Variants in ADGRE3 observed in about 807,000 individuals in gnomAD.
The protein encoded by ADGRE3 is adhesion G protein-coupled receptor E3.
ADGRE3 carries 88 observed loss-of-function variants against 80.1 expected under a neutral mutation model. The observed-to-expected ratio is 1.10, with a 90% CI of 0.93 to 1.31. ADGRE3 has a LOEUF of 1.31. Ranked by LOEUF, ADGRE3 falls within the 40% of genes most tolerant of loss-of-function variation. The probability of loss-of-function intolerance (pLI) is 0.00; values close to 1 mark genes in which losing one functional copy is unlikely to be tolerated. For missense variants in ADGRE3, 715 were observed against 776.5 expected (o/e 0.92, Z 0.94); for synonymous variants, 281 against 294.8 (o/e 0.95, Z 0.48).
intron 2 of ADGRE3, among the ~76,000 whole-genome samples, chr19:14,665,946 A>ATACATATATATATATATATATATG (rs1972088517): frequency 9.0e-5 from 1 of 11,114 alleles, no homozygotes; most frequent in Non-Finnish European, 1.4e-4. Context: ...GTATATATAT[A>ATACATATATATATATATATATATG]TATATATATA....
intron 14 of ADGRE3, among the ~76,000 whole-genome samples, chr19:14,627,452 A>G (rs1274769661): frequency 6.6e-6 from 1 of 152,082 alleles, no homozygotes; most frequent in Non-Finnish European, 1.5e-5. Context: ...ATCTCAGCTC[A>G]CTGCAACCTC....
rs879487528 is a variant in ADGRE3, at chr19:14,664,984, T to C, written c.77-1444A>G. On this transcript the variant is annotated intron_variant, in intron 2 of 15. Coordinates refer to ENST00000253673, the MANE Select transcript of ADGRE3 (RefSeq NM_032571.5). ...TATAGGAACATATTACACATACTGC[T>C]CTGTTCTTTGGTTTTCATGTAAAAT... is the stretch of plus-strand genomic sequence containing the variant. Among the ~76,000 whole-genome samples, 4 of 151,868 alleles carry C rather than the reference T, an allele frequency of 2.6e-5. 1 individual carries two copies. In the Middle Eastern group the frequency reaches 0.014, roughly 520 times the overall value.
chr19:14,637,236 G>A (rs1002730283), intron 11 of ADGRE3, among the ~76,000 whole-genome samples: 5 of 152,090 alleles, frequency 3.3e-5, no homozygotes, highest in East Asian at 1.9e-4. Flanking sequence ...GGCAGTTTCC[G>A]TCTCCTGATG....
Position 14,647,377 on chromosome 19 carries a change from G to C in ADGRE3, c.698-12C>G. On this transcript the variant is annotated splice_polypyrimidine_tract_variant and intron_variant, in intron 7 of 15. Transcript: ENST00000253673. ...AATGGCACTGGGACCTGAGGAAACA[G>C]AAAGATGGAATCTTTTTTCTTTTCT... The C allele has an allele frequency of 2.0e-6, 3 of 1,473,636 alleles. No individual in the cohort carries two copies. The highest frequency in any genetic ancestry group is 2.8e-6 in the Non-Finnish European group (3 of 1,079,918). The allele number at this position is 1,473,636 out of a possible 1,614,324, so 91.3% of individuals were successfully genotyped here. A position where few individuals can be genotyped will look rare whatever the true frequency, so the allele number is the denominator to read the frequency against.
the ADGRE3 span, among the ~76,000 whole-genome samples, chr19:14,600,891 CTTTTTTTTTTT>C: frequency 0.14 from 8,720 of 63,014 alleles, 492 homozygotes; most frequent in South Asian, 0.2. Context: ...GCTCGGCCTT[CTTTTTTTTTTT>C]TTTTTTTTTT....
chr19:14,665,972 A>ATATATATATG (rs1568500887), intron 2 of ADGRE3, among the ~76,000 whole-genome samples: 1 of 132,888 alleles, frequency 7.5e-6, no homozygotes, highest in Non-Finnish European at 1.6e-5. Flanking sequence ...ATATATATAT[A>ATATATATATG]TATATAGTGT....
rs569609559 is a variant in ADGRE3, at chr19:14,644,135, G to A, written c.1023C>T (p.Phe341=). ...GGCTGGTCAGGGCCATCAGGACAGC[G>A]AAGCTGGACAGGTGACTGCAATTAC... ...TMCNCSHLSS[F]AVLMALTSQE... The change falls in exon 9 of 16, where the codon TTC becomes TTT. Residue 341 remains phenylalanine (F), a synonymous_variant. Transcript: ENST00000253673. 19 of 1,575,994 alleles carry A rather than the reference G, an allele frequency of 1.2e-5. No individual in the cohort carries two copies. The highest frequency in any genetic ancestry group is 1.7e-4 in the Middle Eastern group (1 of 5,876).
At chr19:14,674,454 G>A (rs1272637452) in intron 1 of ADGRE3, among the ~76,000 whole-genome samples, 8 of 152,030 alleles carry the variant, frequency 5.3e-5, no homozygotes, top group East Asian at 1.9e-4. Flanking sequence ...TCAAGATTGC[G>A]CCACTGCACT....
At chr19:14,631,353 T>C (rs1599609596) in intron 13 of ADGRE3, among the ~76,000 whole-genome samples, 1 of 145,998 alleles carries the variant, frequency 6.8e-6, no homozygotes. Context: ...TGTATATAAA[T>C]ATTATATATC....
At chr19:14,670,576 C>G (rs1026049670) in intron 1 of ADGRE3, among the ~76,000 whole-genome samples, 3 of 152,132 alleles carry the variant, frequency 2.0e-5, no homozygotes, top group East Asian at 1.9e-4. Context: ...GTAAAGAGCC[C>G]TTTGCTCTTC....
chr19:14,658,503 C>T lies in ADGRE3; in HGVS notation c.393+10G>A, dbSNP rs1313841768. On this transcript the variant is annotated intron_variant, in intron 5 of 15. Coordinates refer to ENST00000253673, the MANE Select transcript of ADGRE3 (RefSeq NM_032571.5). ...ACCTGGGAAGGGTCTGGGGATCAGC[C>T]TCCACTCACCTCTTTCCTGCCCTCG... 2.6e-6 allele frequency: 4 copies of T among 1,557,408 alleles called. No individual in the cohort carries two copies. The highest frequency in any genetic ancestry group is 2.8e-5 in the African/African-American group (2 of 71,376).
intron 7 of ADGRE3, among the ~76,000 whole-genome samples, 183 bp downstream of exon 7, chr19:14,650,902 G>C (rs1487618458): frequency 6.6e-6 from 1 of 151,146 alleles, no homozygotes; most frequent in African/African-American, 2.4e-5. Context: ...CTCCCATACT[G>C]AATAACAGAA....
the ADGRE3 span, among the ~76,000 whole-genome samples, chr19:14,606,328 T>A: frequency 6.8e-6 from 1 of 148,042 alleles, no homozygotes. Flanking sequence ...TGAGCCATGA[T>A]CACACCACTG....
At chr19:14,673,561 A>C (rs113413697) in intron 1 of ADGRE3, among the ~76,000 whole-genome samples, 1 of 152,316 alleles carries the variant, frequency 6.6e-6, no homozygotes, top group East Asian at 1.9e-4. Flanking sequence ...GATGGTTTGG[A>C]TTCAAATCCC....
chr19:14,668,133 C>T (rs1472708807), intron 2 of ADGRE3, among the ~76,000 whole-genome samples: 3 of 152,076 alleles, frequency 2.0e-5, no homozygotes, highest in African/African-American at 7.2e-5. Context: ...TGTCTTTAGT[C>T]CCAGCTACTC....
chr19:14,618,408 A>T (rs947933557), downstream of ADGRE3, among the ~76,000 whole-genome samples: 1 of 151,992 alleles, frequency 6.6e-6, no homozygotes, highest in Non-Finnish European at 1.5e-5. Context: ...ATACAAAATT[A>T]GCTGGGCATG....
At chr19:14,659,037 T>A (rs1366815510) in intron 4 of ADGRE3, among the ~76,000 whole-genome samples, 2 of 136,198 alleles carry the variant, frequency 1.5e-5, no homozygotes, top group Admixed American at 1.4e-4. Context: ...CTGGCTTTTT[T>A]TTTCCCTTTT....
intron 15 of ADGRE3, among the ~76,000 whole-genome samples, chr19:14,620,565 TATA>T (rs1568471664): frequency 3.3e-5 from 1 of 30,064 alleles, no homozygotes; most frequent in Non-Finnish European, 6.0e-5. Flanking sequence ...TATATATATA[TATA>T]TTTTTTTTTT....
intron 15 of ADGRE3, among the ~76,000 whole-genome samples, chr19:14,620,568 A>ATTTTTTTTTTT (rs1189295641): frequency 8.1e-4 from 9 of 11,044 alleles, no homozygotes; most frequent in Non-Finnish European, 1.2e-3. Context: ...ATATATATAT[A>ATTTTTTTTTTT]TTTTTTTTTT....
Sources: allele counts gnomAD v4.1 joint callset (sites outside exome capture counted in the v4.1 genomes callset), GRCh38; gene constraint gnomAD v4.1.1; transcripts MANE v1.5; gene names NCBI Gene and HGNC (gene_info 2026-07-23, HGNC 2026-07-21).